ANKRD17: variants seen among roughly 807,000 people sequenced by gnomAD.
ANKRD17 encodes the protein ankyrin repeat domain 17, also known as ankyrin repeat domain-containing protein 17.
A neutral mutation model predicts 229.7 loss-of-function variants in ANKRD17; 19 were observed. The ratio of observed to expected loss-of-function variants is 0.08; its 90% CI spans 0.06 to 0.12. The LOEUF is 0.12. Among genes scored for constraint, ANKRD17 ranks in the 10% least tolerant of loss-of-function variants. The probability of loss-of-function intolerance (pLI) is 1.00; values close to 1 mark genes in which losing one functional copy is unlikely to be tolerated. For synonymous variants in ANKRD17, 1,112 were observed against 1,146.1 expected, an observed-to-expected ratio of 0.97 and a Z score of 0.60; for missense variants, 2,176 against 3,176.8, an observed-to-expected ratio of 0.68 and a Z score of 7.57.
intron 2 of ANKRD17, among the ~76,000 whole-genome samples, chr4:73,171,212 A>AGAGAGAGAGAGAGAGG (rs1560646177): frequency 6.6e-6 from 1 of 151,458 alleles, no homozygotes; most frequent in Admixed American, 6.6e-5. Flanking sequence ...AGAGAGAGAG[A>AGAGAGAGAGAGAGAGG]GAGAGAGAGA....
chr4:73,215,969 G>A (rs1190206671), intron 1 of ANKRD17, among the ~76,000 whole-genome samples: 1 of 152,182 alleles, frequency 6.6e-6, no homozygotes, highest in Admixed American at 6.5e-5. Flanking sequence ...AGGAGGCTGA[G>A]GCAGAATGAC....
intron 2 of ANKRD17, among the ~76,000 whole-genome samples, chr4:73,173,918 C>G (rs985034173): frequency 5.9e-5 from 9 of 152,058 alleles, no homozygotes; most frequent in Admixed American, 4.6e-4. Flanking sequence ...AAGCTTCCAA[C>G]TGAATTTCAT....
chr4:73,110,011 CAAA>C (rs1175850592), intron 24 of ANKRD17, among the ~76,000 whole-genome samples: 2,363 of 33,082 alleles, frequency 0.071, 24 homozygotes, highest in Middle Eastern at 0.1. Context: ...AAAAGTTTAC[CAAA>C]AAAAAAAAAA....
chr4:73,147,085 T>C (rs1730379133), intron 9 of ANKRD17, among the ~76,000 whole-genome samples, 156 bp downstream of exon 9: 2 of 152,146 alleles, frequency 1.3e-5, no homozygotes, highest in South Asian at 4.1e-4. Context: ...CAAACAGCAG[T>C]AAGGTAAACT....
chr4:73,134,028 TA>T (rs1223106689), intron 16 of ANKRD17, among the ~76,000 whole-genome samples: 1 of 152,110 alleles, frequency 6.6e-6, no homozygotes, highest in Non-Finnish European at 1.5e-5. Flanking sequence ...GACAATTCCT[TA>T]AAATAGTCCC....
chr4:73,118,605 T>G, intron 22 of ANKRD17, 83 bp downstream of exon 22: 2 of 1,467,342 alleles, frequency 1.4e-6, no homozygotes, highest in South Asian at 1.3e-5. Flanking sequence ...AAGCACAAAA[T>G]GAGTCTTTAG....
At chr4:73,253,230 T>C (rs946537407) in intron 1 of ANKRD17, among the ~76,000 whole-genome samples, 1 of 152,226 alleles carries the variant, frequency 6.6e-6, no homozygotes, top group African/African-American at 2.4e-5. Flanking sequence ...TTATTCAAGA[T>C]GTACATTTAA....
At chr4:73,181,873 C>T (rs1454155688) in intron 1 of ANKRD17, among the ~76,000 whole-genome samples, 2 of 151,198 alleles carry the variant, frequency 1.3e-5, no homozygotes, top group South Asian at 2.1e-4. Flanking sequence ...CATGGTGAAA[C>T]CCTGTCTCTA....
At chr4:73,099,257 C>A (rs1180221119) in intron 25 of ANKRD17, 2 of 553,242 alleles carry the variant, frequency 3.6e-6, no homozygotes, top group Non-Finnish European at 6.7e-6. Flanking sequence ...ATCACCACTG[C>A]CTCCGGCTGC....
chr4:73,115,384 G>A (rs1473565124), intron 23 of ANKRD17, among the ~76,000 whole-genome samples: 3 of 152,114 alleles, frequency 2.0e-5, no homozygotes, highest in Non-Finnish European at 2.9e-5. Flanking sequence ...TCCACCTTCC[G>A]GGTTCAAGCG....
intron 1 of ANKRD17, among the ~76,000 whole-genome samples, chr4:73,192,508 G>C (rs141244295): frequency 6.6e-6 from 1 of 151,898 alleles, no homozygotes; most frequent in East Asian, 1.9e-4. Flanking sequence ...AAATCAAAGA[G>C]AGAATTGTAC....
At chr4:73,104,270 TCAC>T (rs1283140849) in intron 24 of ANKRD17, among the ~76,000 whole-genome samples, 5 of 152,150 alleles carry the variant, frequency 3.3e-5, no homozygotes, top group African/African-American at 1.2e-4. Flanking sequence ...ACTCCCTGGA[TCAC>T]CACAAGGGAG....
chr4:73,209,137 T>C (rs986139009), intron 1 of ANKRD17, among the ~76,000 whole-genome samples: 1 of 151,978 alleles, frequency 6.6e-6, no homozygotes, highest in African/African-American at 2.4e-5. Context: ...ACCCAGAAGG[T>C]GGAGGTTGTA....
At chr4:73,164,006 C>A (rs1732892995) in intron 2 of ANKRD17, among the ~76,000 whole-genome samples, 1 of 152,136 alleles carries the variant, frequency 6.6e-6, no homozygotes, top group African/African-American at 2.4e-5. Context: ...AGAATAAAAA[C>A]TGTCTTGGTC....
intron 24 of ANKRD17, among the ~76,000 whole-genome samples, chr4:73,105,768 A>G (rs1724536614): frequency 6.6e-6 from 1 of 152,180 alleles, no homozygotes; most frequent in Non-Finnish European, 1.5e-5. Flanking sequence ...ATAAGCATTA[A>G]AAGAAAGGCA....
chr4:73,087,299 G>C (rs1722300130), intron 29 of ANKRD17, among the ~76,000 whole-genome samples: 1 of 151,940 alleles, frequency 6.6e-6, no homozygotes, highest in South Asian at 2.1e-4. Flanking sequence ...TGCCCAGGCA[G>C]GTCTTAAATT....
intron 1 of ANKRD17, among the ~76,000 whole-genome samples, chr4:73,243,650 T>C (rs1364296935): frequency 6.6e-6 from 1 of 152,178 alleles, no homozygotes; most frequent in African/African-American, 2.4e-5. Context: ...AATCATAGAA[T>C]TGTATCAATA....
chr4:73,189,412 T>TTTG lies in ANKRD17; in HGVS notation c.394-11880_394-11879insCAA, dbSNP rs1197409288. ...TTCCTCTGCCTGGAATGTTTTTTTTTTTTTTTTTTTTGAAACGGAGTCCCA... is the reference window on the plus strand; with the variant it reads ...TTCCTCTGCCTGGAATGTTTTTTTTTTTGTTTTTTTTTTTGAAACGGAGTCCCA... On this transcript the variant is annotated intron_variant, in intron 1 of 33. Coordinates refer to ENST00000358602, the MANE Select transcript of ANKRD17 (RefSeq NM_032217.5). Among the ~76,000 whole-genome samples, 72 of 142,156 alleles carry TTTG rather than the reference T, an allele frequency of 5.1e-4. No individual in the cohort carries two copies. In the South Asian group the frequency reaches 0.016, roughly 32 times the overall value. 93.3% of individuals were successfully genotyped at this position (142,156 alleles called of 152,430 possible).
chr4:73,231,224 A>AT (rs1015849256), intron 1 of ANKRD17, among the ~76,000 whole-genome samples: 13 of 152,154 alleles, frequency 8.5e-5, no homozygotes, highest in Admixed American at 7.9e-4. Flanking sequence ...TCTAAAGACA[A>AT]TTTTCTTGAG....
Sources: gnomAD v4.1 joint callset for allele counts (sites outside exome capture counted in the v4.1 genomes callset) on GRCh38, gnomAD v4.1.1 for gene constraint, MANE v1.5 for transcripts, NCBI Gene and HGNC (gene_info 2026-07-23, HGNC 2026-07-21) for gene names.